Variants in LOC400499 observed in about 807,000 individuals in gnomAD.
the LOC400499 span, among the ~76,000 whole-genome samples, chr16:11,455,474 C>A: frequency 6.6e-6 from 1 of 152,198 alleles, no homozygotes; most frequent in East Asian, 1.9e-4. Flanking sequence ...GTGGCTCACA[C>A]CTGTAATACC....
At chr16:11,404,077 T>C in the LOC400499 span, among the ~76,000 whole-genome samples, 1 of 152,196 alleles carries the variant, frequency 6.6e-6, no homozygotes, top group African/African-American at 2.4e-5. Flanking sequence ...TGCTCAGATC[T>C]GCCAGCTCCT....
At chr16:11,375,548 A>T in the LOC400499 span, among the ~76,000 whole-genome samples, 2 of 148,582 alleles carry the variant, frequency 1.3e-5, no homozygotes, top group Admixed American at 6.7e-5. Context: ...CCTGACCTCA[A>T]GTGATCCGCC....
chr16:11,381,783 A>ATCAACATGTTCTTCCTT, the LOC400499 span, among the ~76,000 whole-genome samples: 1 of 152,150 alleles, frequency 6.6e-6, no homozygotes, highest in East Asian at 1.9e-4. Flanking sequence ...GAGATCAGTT[A>ATCAACATGTTCTTCCTT]TCAACATGTT....
At chr16:11,392,709 G>T in the LOC400499 span, 2 of 912,774 alleles carry the variant, frequency 2.2e-6, no homozygotes, top group Non-Finnish European at 2.6e-6. Context: ...AGTCAGTTAG[G>T]GATGCCATAA....
At chr16:11,422,446 G>T in the LOC400499 span, among the ~76,000 whole-genome samples, 1 of 151,968 alleles carries the variant, frequency 6.6e-6, no homozygotes, top group Non-Finnish European at 1.5e-5. Flanking sequence ...GGAACGGAAA[G>T]GAAAGGAAAG....
At chr16:11,387,163 C>T in the LOC400499 span, 1 of 1,232,244 alleles carries the variant, frequency 8.1e-7, no homozygotes. Context: ...ACTCAGCCAG[C>T]ACGTTGGCCC....
At chr16:11,500,423 A>G in the LOC400499 span, among the ~76,000 whole-genome samples, 1 of 152,074 alleles carries the variant, frequency 6.6e-6, no homozygotes, top group Non-Finnish European at 1.5e-5. Flanking sequence ...AGGCAGAAGA[A>G]TTGCTTGAAC....
At chr16:11,385,820 CTG>C in the LOC400499 span, among the ~76,000 whole-genome samples, 1 of 152,194 alleles carries the variant, frequency 6.6e-6, no homozygotes, top group African/African-American at 2.4e-5. Flanking sequence ...TTAAAATCGA[CTG>C]TGGTGATGCA....
the LOC400499 span, chr16:11,471,457 C>T: frequency 2.6e-6 from 1 of 391,866 alleles, no homozygotes; most frequent in African/African-American, 2.1e-5. Flanking sequence ...GACCTAAAGA[C>T]TGATTCAGAG....
the LOC400499 span, among the ~76,000 whole-genome samples, chr16:11,425,837 C>T: frequency 1.3e-5 from 2 of 152,158 alleles, no homozygotes; most frequent in Non-Finnish European, 2.9e-5. Context: ...TGAGGATACT[C>T]GACTTGGTTT....
chr16:11,460,145 G>C, the LOC400499 span: 1 of 1,134,940 alleles, frequency 8.8e-7, no homozygotes, highest in African/African-American at 1.6e-5. Flanking sequence ...AGGGATATCA[G>C]CCTGGTTTTC....
the LOC400499 span, among the ~76,000 whole-genome samples, chr16:11,517,008 T>A: frequency 3.3e-5 from 5 of 152,084 alleles, no homozygotes; most frequent in Non-Finnish European, 5.9e-5. Context: ...GGGAGAGGCT[T>A]TCTCTGAACT....
At chr16:11,387,541 C>A in the LOC400499 span, among the ~76,000 whole-genome samples, 5 of 152,166 alleles carry the variant, frequency 3.3e-5, no homozygotes, top group African/African-American at 9.7e-5. Context: ...TTTGAGGACA[C>A]AGATGTCCGA....
the LOC400499 span, chr16:11,411,232 T>C: frequency 1.0e-5 from 4 of 399,256 alleles, no homozygotes; most frequent in African/African-American, 6.2e-5. Context: ...GCCAGGCAGC[T>C]GGGGCACAGT....
At chr16:11,486,010 G>T in the LOC400499 span, among the ~76,000 whole-genome samples, 1 of 152,182 alleles carries the variant, frequency 6.6e-6, no homozygotes, top group Admixed American at 6.5e-5. Flanking sequence ...TGAATGGATG[G>T]ATGGGTGGGT....
At chr16:11,428,879 G>A in the LOC400499 span, among the ~76,000 whole-genome samples, 9 of 152,098 alleles carry the variant, frequency 5.9e-5, no homozygotes, top group East Asian at 1.7e-3. Context: ...GGGGCACGTG[G>A]GTGTTTGCAC....
At chr16:11,429,437 G>C in the LOC400499 span, among the ~76,000 whole-genome samples, 1 of 151,444 alleles carries the variant, frequency 6.6e-6, no homozygotes, top group Non-Finnish European at 1.5e-5. Flanking sequence ...GGAAGGGAAG[G>C]GCAAAGGGAG....
At chr16:11,392,900 C>G in the LOC400499 span, 1 of 688,630 alleles carries the variant, frequency 1.5e-6, no homozygotes, top group Non-Finnish European at 1.8e-6. Context: ...GTCGCCTAGG[C>G]TGGTGTGTGG....
At chr16:11,391,920 C>A in the LOC400499 span, 1 of 896,938 alleles carries the variant, frequency 1.1e-6, no homozygotes, top group Non-Finnish European at 1.5e-6. Context: ...GAGCCCCAGA[C>A]CCTCCTGCCT....
Sources: allele counts gnomAD v4.1 joint callset (sites outside exome capture counted in the v4.1 genomes callset), GRCh38; gene constraint gnomAD v4.1.1; transcripts MANE v1.5.